Variants in RPS15A observed in about 807,000 individuals in gnomAD.
RPS15A encodes the protein ribosomal protein S15a.
For synonymous variants in RPS15A, 55 were observed against 58.5 expected (o/e 0.94, Z 0.27); for missense variants, 62 against 163.4 (o/e 0.38, Z 3.38).
Position 18,781,678 on chromosome 16 carries a change from C to A in RPS15A, c.*1331G>T, listed in dbSNP as rs1197622919. ...AACTCATGTTAATTACCCACAGCCTCCCAAACATCAGAGGCCCCAAACATG... is the reference window on the plus strand; with the variant it reads ...AACTCATGTTAATTACCCACAGCCTACCAAACATCAGAGGCCCCAAACATG... On this transcript the variant is annotated 3_prime_UTR_variant, in exon 5 of 5. Coordinates refer to ENST00000322989, the MANE Select transcript of RPS15A (RefSeq NM_001019.5). 6.6e-6 allele frequency: 1 copy of A among 151,694 alleles called. No homozygotes were observed. Among genetic ancestry groups the A allele is most frequent in the Non-Finnish European group, 1.5e-5 (1 of 67,888 alleles). The allele number at this position is 151,694 out of a possible 1,614,324, so 9.4% of individuals were successfully genotyped here.
rs1335088670 is a variant in RPS15A at position 18,788,758 on chromosome 16, C to G, written c.133+223G>C. The G allele has an allele frequency of 6.1e-6, 3 of 491,808 alleles. No homozygotes were observed. The East Asian group carries it at 1.0e-4, about 17-fold the overall frequency. The allele number at this position is 491,808 out of a possible 1,614,324, so 30.5% of individuals were successfully genotyped here. ...AGGAGTCCTTTCAATGACTTAGATT[C>G]ATTTAGCTCCCAAACACCTAGCAGA... On this transcript the variant is annotated intron_variant, in intron 2 of 4. Coordinates refer to ENST00000322989, the MANE Select transcript of RPS15A (RefSeq NM_001019.5).
intron 4 of RPS15A, 139 bp downstream of exon 4, chr16:18,784,599 A>T: frequency 1.5e-6 from 1 of 673,712 alleles, no homozygotes. Context: ...CACTTGAGCT[A>T]TTAGGTCAAA....
chr16:18,785,488 C>A (rs1036557922), intron 3 of RPS15A: 23 of 152,220 alleles, frequency 1.5e-4, no homozygotes, highest in African/African-American at 4.8e-4. Context: ...CACTCAACTA[C>A]ATGCCAGCCC....
intron 4 of RPS15A, chr16:18,784,465 C>T (rs1300459900): frequency 2.4e-5 from 8 of 336,590 alleles, no homozygotes; most frequent in East Asian, 6.2e-5. Flanking sequence ...AGGGTGGTCT[C>T]GAACTCCCAA....
chr16:18,788,465 C>A, intron 2 of RPS15A: 1 of 298,004 alleles, frequency 3.4e-6, no homozygotes, highest in East Asian at 7.5e-5. Context: ...TCAAAGAGCT[C>A]TGAGAAGATC....
chr16:18,784,660 GA>G lies in RPS15A; in HGVS notation c.299+77del, dbSNP rs921854770. 3.6e-4 allele frequency: 417 copies of G among 1,147,580 alleles called. 1 individual carries two copies. Among genetic ancestry groups the G allele is most frequent in the Non-Finnish European group, 4.6e-4 (369 of 793,932 alleles). The allele number at this position is 1,147,580 out of a possible 1,614,324, so 71.1% of individuals were successfully genotyped here. On this transcript the variant is annotated intron_variant, in intron 4 of 4. Coordinates refer to ENST00000322989, the MANE Select transcript of RPS15A (RefSeq NM_001019.5). The stretch of plus-strand genomic sequence containing the variant: ...CTGCTTTGTTTTAAACAGAAAAAAA[GA>G]AAAAAACCCTTAAGTCAAACTGCAC...
intron 3 of RPS15A, 166 bp from the exon 4 acceptor site, chr16:18,784,989 T>G (rs1904024194): frequency 1.8e-6 from 1 of 548,132 alleles, no homozygotes; most frequent in Admixed American, 3.9e-5. Context: ...TTTCAAAAAA[T>G]ACACCTAAGT....
Position 18,789,075 on chromosome 16 carries a change from A to G in RPS15A, c.39T>C (p.Ser13=). ...TGCCTCTCTTTTCGGCATTGTTGAT[A>G]CTCTTGAGAGCATCTGCCAGGACAT... ...RMNVLADALK[S]INNAEKRGKR... The change falls in exon 2 of 5, where the codon AGT becomes AGC. Residue 13 remains serine, a synonymous_variant. Transcript: ENST00000322989. 2.5e-6 allele frequency: 4 copies of G among 1,613,914 alleles called. No homozygotes were observed. The highest frequency in any genetic ancestry group is 3.4e-6 in the Non-Finnish European group (4 of 1,179,912).
At position 18,789,084 on chromosome 16, in the gene RPS15A, A is replaced by G; in HGVS notation, c.30T>C (p.Ala10=). Residue 10 remains alanine (A), a synonymous_variant, in exon 2 of 5, where the codon GCT becomes GCC. Transcript: ENST00000322989. MVRMNVLAD[A]LKSINNAEKR... is the part of the protein sequence containing the mutation. ...TTTCGGCATTGTTGATACTCTTGAG[A>G]GCATCTGCCAGGACATTCATGCGCA... 1.2e-6 allele frequency: 2 copies of G among 1,613,960 alleles called. No individual in the cohort carries two copies. Among genetic ancestry groups the G allele is most frequent in the Non-Finnish European group, 1.7e-6 (2 of 1,179,938 alleles).
chr16:18,788,443 C>T (rs1003400792), intron 2 of RPS15A: 9 of 358,792 alleles, frequency 2.5e-5, no homozygotes, highest in Admixed American at 1.8e-4. Flanking sequence ...TGCAATAATC[C>T]AATCTTTCCT....
chr16:18,782,723 A>C lies in RPS15A; in HGVS notation c.*286T>G. ...AGCAATAGAGTCAGACTCTGTCTCC[A>C]AAAAAGAAAAAAAAAAAAAAAAACT... On this transcript the variant is annotated 3_prime_UTR_variant, in exon 5 of 5. Transcript: ENST00000322989. 1 of 209,828 alleles carries C rather than the reference A, an allele frequency of 4.8e-6. No homozygotes were observed. Among genetic ancestry groups the C allele is most frequent in the South Asian group, 6.5e-5 (1 of 15,374 alleles). The allele number at this position is 209,828 out of a possible 1,614,324, so 13.0% of individuals were successfully genotyped here.
intron 4 of RPS15A, 110 bp downstream of exon 4, chr16:18,784,628 A>G (rs1904017995): frequency 1.3e-6 from 1 of 785,974 alleles, no homozygotes; most frequent in African/African-American, 1.7e-5. Context: ...GAGTAGACAA[A>G]TTACCACTGC....
rs1376359045 is a variant in RPS15A, at chr16:18,782,219, T to C, written c.*790A>G. 9.3e-6 allele frequency: 1 copy of C among 107,392 alleles called. No homozygotes were observed. The highest frequency in any genetic ancestry group is 1.9e-5 in the Non-Finnish European group (1 of 52,960). 6.7% of individuals were successfully genotyped at this position (107,392 alleles called of 1,614,324 possible). On this transcript the variant is annotated 3_prime_UTR_variant, in exon 5 of 5. Coordinates refer to ENST00000322989, the MANE Select transcript of RPS15A (RefSeq NM_001019.5). ...GGCTGAGGCACGAGAACTACTTGAA[T>C]CTGGGAAGCGGAGGTGCAGTGAGCC... is the stretch of plus-strand genomic sequence containing the variant.
intron 4 of RPS15A, 127 bp downstream of exon 4, chr16:18,784,611 T>G (rs1426735989): frequency 1.4e-6 from 1 of 699,830 alleles, no homozygotes; most frequent in Non-Finnish European, 2.5e-6. Flanking sequence ...TAGGTCAAAA[T>G]GGTTAAGAGT....
At chr16:18,784,643 T>C (rs1904018258) in intron 4 of RPS15A, 95 bp downstream of exon 4, 2 of 928,720 alleles carry the variant, frequency 2.2e-6, no homozygotes, top group East Asian at 2.4e-5. Context: ...CACTGCTTTG[T>C]TTTAAACAGA....
intron 2 of RPS15A, 87 bp downstream of exon 2, chr16:18,788,894 C>T: frequency 7.3e-7 from 1 of 1,376,154 alleles, no homozygotes; most frequent in Non-Finnish European, 1.0e-6. Flanking sequence ...GACAGACATA[C>T]TTTGGTCCCC....
intron 3 of RPS15A, chr16:18,786,156 G>C (rs1904045418): frequency 6.1e-6 from 1 of 163,742 alleles, no homozygotes; most frequent in South Asian, 1.1e-4. Flanking sequence ...CCTGAGGTCA[G>C]GAGTCCCAGA....
In RPS15A at chr16:18,782,549, CCT is replaced by C. The variant is rs1201280738; in HGVS notation, c.*458_*459del. 1 of 153,794 alleles carries C rather than the reference CCT, an allele frequency of 6.5e-6. No homozygotes were observed. 9.5% of individuals were successfully genotyped at this position (153,794 alleles called of 1,614,324 possible). On this transcript the variant is annotated 3_prime_UTR_variant, in exon 5 of 5. Transcript: ENST00000322989. The stretch of plus-strand genomic sequence containing the variant: ...ACCAGCCTGGGCAACATGGCGAAAC[CCT>C]GTCTCTACTAAAATATAAAAATTAG...
chr16:18,788,927 G>C (rs1440300338), intron 2 of RPS15A, 54 bp downstream of exon 2: 39 of 1,569,302 alleles, frequency 2.5e-5, no homozygotes, highest in Non-Finnish European at 2.8e-5. Context: ...CTACAGGACT[G>C]ATTTCTTAGA....
Sources: allele counts gnomAD v4.1 joint callset, GRCh38; gene constraint gnomAD v4.1.1; transcripts MANE v1.5; gene names NCBI Gene and HGNC (gene_info 2026-07-23, HGNC 2026-07-21).